Variants in RALGAPA2 observed in about 807,000 individuals in gnomAD.
RALGAPA2 encodes the protein Ral GTPase activating protein catalytic subunit alpha 2, also known as ral GTPase-activating protein subunit alpha-2.
In RALGAPA2, 139 loss-of-function variants were observed where a neutral mutation model predicts 230.4. The observed-to-expected ratio is 0.60, with a 90% CI of 0.53 to 0.69. The LOEUF (loss-of-function observed/expected upper bound fraction) is 0.69. Ranked by LOEUF, RALGAPA2 falls within the 30% of genes least tolerant of loss-of-function variation. RALGAPA2 has a pLI of 0.00. For missense variants in RALGAPA2, 2,163 were observed against 2,276.0 expected (o/e 0.95, Z 1.01); for synonymous variants, 847 against 837.8 (o/e 1.01, Z -0.19).
intron 36 of RALGAPA2, among the ~76,000 whole-genome samples, chr20:20,492,292 A>G (rs1602531105): frequency 6.6e-6 from 1 of 152,174 alleles, no homozygotes; most frequent in Admixed American, 6.5e-5. Flanking sequence ...TACTTAGACC[A>G]CAGAGTCATA....
rs184246783 is a variant in RALGAPA2 at position 20,709,740 on chromosome 20, A to G, written c.106+2635T>C. Among the ~76,000 whole-genome samples, 406 of 152,334 alleles carry G rather than the reference A, an allele frequency of 2.7e-3. 1 individual carries two copies. Among genetic ancestry groups the G allele is most frequent in the Admixed American group, 5.0e-3 (77 of 15,308 alleles). ...TCTATAGCCAGGTGAAAGTATCTACATCCAAATTGGAGTTATTACCATGAT... is the reference window on the plus strand; with the variant it reads ...TCTATAGCCAGGTGAAAGTATCTACGTCCAAATTGGAGTTATTACCATGAT... On this transcript the variant is annotated intron_variant, in intron 1 of 39. Transcript: ENST00000202677.
intron 1 of RALGAPA2, among the ~76,000 whole-genome samples, chr20:20,698,057 G>A (rs2069186680): frequency 1.3e-5 from 2 of 151,814 alleles, no homozygotes; most frequent in South Asian, 2.1e-4. Flanking sequence ...CCTCCTGGTG[G>A]AGCAGAATAA....
intron 37 of RALGAPA2, among the ~76,000 whole-genome samples, chr20:20,446,371 AACC>A (rs1219376570): frequency 1.3e-5 from 2 of 152,216 alleles, no homozygotes; most frequent in African/African-American, 4.8e-5. Flanking sequence ...TTGTTTTGAA[AACC>A]ACCACATCAT....
In RALGAPA2 at chr20:20,458,511, T is replaced by C. The variant is rs145477042; in HGVS notation, c.5495+14318A>G. Among the ~76,000 whole-genome samples, 362 of 134,494 alleles carry C rather than the reference T, an allele frequency of 2.7e-3. 4 individuals carry two copies. The highest frequency in any genetic ancestry group is 0.012 in the East Asian group (56 of 4,668). 88.2% of individuals were successfully genotyped at this position (134,494 alleles called of 152,430 possible). On this transcript the variant is annotated intron_variant, in intron 37 of 39. Transcript: ENST00000202677. ...TATTTTATATATATTATATATAATA[T>C]ATATGTATTTTATATATATTATATA...
At chr20:20,418,171 G>A (rs1256409699) in intron 37 of RALGAPA2, among the ~76,000 whole-genome samples, 2 of 152,178 alleles carry the variant, frequency 1.3e-5, no homozygotes, top group Non-Finnish European at 2.9e-5. Flanking sequence ...AGAACGCCGA[G>A]CAAATCCATA....
At chr20:20,449,218 G>A (rs1271908641) in intron 37 of RALGAPA2, among the ~76,000 whole-genome samples, 1 of 152,178 alleles carries the variant, frequency 6.6e-6, no homozygotes, top group Non-Finnish European at 1.5e-5. Context: ...GGATTATAGG[G>A]CAACAAGTCC....
At chr20:20,475,844 G>A (rs2061638938) in intron 36 of RALGAPA2, among the ~76,000 whole-genome samples, 1 of 152,102 alleles carries the variant, frequency 6.6e-6, no homozygotes, top group Admixed American at 6.5e-5. Context: ...TCATGATTAT[G>A]TATATGAAAA....
intron 25 of RALGAPA2, among the ~76,000 whole-genome samples, chr20:20,536,081 C>T (rs1039833444): frequency 2.6e-5 from 4 of 152,136 alleles, no homozygotes; most frequent in African/African-American, 4.8e-5. Flanking sequence ...AGGAAAATCT[C>T]GGTTTTCTTT....
intron 37 of RALGAPA2, among the ~76,000 whole-genome samples, chr20:20,468,684 C>T (rs2061473041): frequency 6.6e-6 from 1 of 151,954 alleles, no homozygotes; most frequent in Non-Finnish European, 1.5e-5. Flanking sequence ...TTATCTCTGC[C>T]CCCTCCTTTC....
At chr20:20,622,893 T>A (rs1470214919) in intron 10 of RALGAPA2, among the ~76,000 whole-genome samples, 3 of 152,186 alleles carry the variant, frequency 2.0e-5, no homozygotes. Flanking sequence ...ATATTCATAA[T>A]AATAACAATG....
chr20:20,405,222 ACTGG>A (rs2059920979), intron 38 of RALGAPA2, among the ~76,000 whole-genome samples: 1 of 152,146 alleles, frequency 6.6e-6, no homozygotes, highest in African/African-American at 2.4e-5. Context: ...GGCCTAAACC[ACTGG>A]CTGGCTATCT....
rs371104205 is a variant in RALGAPA2, at chr20:20,619,456, G to A, written c.1402-42C>T. ...TCCATTAACAGAGTGGAAGATGCACGTGTTTAACTTGCATTTAACTATAAA... is the reference window on the plus strand; with the variant it reads ...TCCATTAACAGAGTGGAAGATGCACATGTTTAACTTGCATTTAACTATAAA... On this transcript the variant is annotated intron_variant, in intron 11 of 39. Coordinates refer to ENST00000202677, the MANE Select transcript of RALGAPA2 (RefSeq NM_020343.4). 4.8e-4 allele frequency: 688 copies of A among 1,421,276 alleles called. 1 individual carries two copies. The highest frequency in any genetic ancestry group is 5.8e-4 in the Non-Finnish European group (626 of 1,075,844). 88.0% of individuals were successfully genotyped at this position (1,421,276 alleles called of 1,614,324 possible).
chr20:20,466,216 CAGG>C (rs769689542), intron 37 of RALGAPA2, among the ~76,000 whole-genome samples: 5 of 152,360 alleles, frequency 3.3e-5, no homozygotes, highest in East Asian at 1.9e-4. Context: ...TCTGATTCTT[CAGG>C]AGAAGTCAAA....
At chr20:20,411,244 A>G (rs1333029717) in intron 38 of RALGAPA2, among the ~76,000 whole-genome samples, 1 of 152,246 alleles carries the variant, frequency 6.6e-6, no homozygotes, top group African/African-American at 2.4e-5. Context: ...TTATTCTCTG[A>G]AAGGCAATTA....
At chr20:20,396,612 T>TA (rs2059723939) in intron 39 of RALGAPA2, 83 bp downstream of exon 39, 1 of 1,332,994 alleles carries the variant, frequency 7.5e-7, no homozygotes, top group African/African-American at 1.5e-5. Context: ...CAGGGTCCGC[T>TA]ACCGAGGGCA....
chr20:20,453,969 T>C (rs964797511), intron 37 of RALGAPA2, among the ~76,000 whole-genome samples: 4 of 152,222 alleles, frequency 2.6e-5, no homozygotes, highest in African/African-American at 9.7e-5. Flanking sequence ...AAAGACATTT[T>C]ACTGAATGAT....
chr20:20,670,102 G>A (rs901947612), intron 3 of RALGAPA2, among the ~76,000 whole-genome samples: 1 of 152,224 alleles, frequency 6.6e-6, no homozygotes, highest in African/African-American at 2.4e-5. Flanking sequence ...CGCTCACCAC[G>A]AAATGGTAAT....
intron 38 of RALGAPA2, among the ~76,000 whole-genome samples, chr20:20,399,389 A>G (rs1472111361): frequency 2.0e-5 from 3 of 151,434 alleles, no homozygotes; most frequent in Non-Finnish European, 4.4e-5. Context: ...ATAGGGTTAC[A>G]GTGTCTTAAA....
chr20:20,416,953 G>A (rs556111531), intron 37 of RALGAPA2, among the ~76,000 whole-genome samples: 29 of 152,268 alleles, frequency 1.9e-4, no homozygotes, highest in African/African-American at 6.3e-4. Context: ...AACAGTTTGC[G>A]TACCCACCTC....
Sources: allele counts gnomAD v4.1 joint callset (sites outside exome capture counted in the v4.1 genomes callset), GRCh38; gene constraint gnomAD v4.1.1; transcripts MANE v1.5; gene names NCBI Gene and HGNC (gene_info 2026-07-23, HGNC 2026-07-21).